SETBP1: variants seen among roughly 807,000 people sequenced by gnomAD.
SETBP1 encodes the protein SET-binding protein.
A neutral mutation model predicts 101.0 loss-of-function variants in SETBP1; 9 were observed. That is an observed-to-expected ratio of 0.09 (90% CI 0.05 to 0.16). The LOEUF (loss-of-function observed/expected upper bound fraction) is 0.16, where lower values mean the gene tolerates loss of function less well. SETBP1 is among the 10% of genes least tolerant of loss of function. The pLI, the probability that SETBP1 is intolerant of heterozygous loss-of-function variation, is 1.00. For synonymous variants in SETBP1, 818 were observed against 788.5 expected, an observed-to-expected ratio of 1.04 and a Z score of -0.63; for missense variants, 1,858 against 2,033.8, an observed-to-expected ratio of 0.91 and a Z score of 1.66.
At chr18:44,836,901 G>T (rs2072507804) in intron 2 of SETBP1, among the ~76,000 whole-genome samples, 2 of 152,246 alleles carry the variant, frequency 1.3e-5, no homozygotes, top group Admixed American at 6.5e-5. Flanking sequence ...GCAGTTTTGG[G>T]GCCCTGTCAC....
At chr18:44,858,951 G>A (rs2073026472) in intron 2 of SETBP1, among the ~76,000 whole-genome samples, 1 of 151,840 alleles carries the variant, frequency 6.6e-6, no homozygotes, top group African/African-American at 2.4e-5. Context: ...CCCATTATTG[G>A]TTACCATCTG....
rs2071862494 is a variant in SETBP1, at chr18:44,971,648, A to G, written c.4000+18308A>G. On this transcript the variant is annotated intron_variant, in intron 4 of 5. Coordinates refer to ENST00000649279, the MANE Select transcript of SETBP1 (RefSeq NM_015559.3). ...CCAGTGATGACGAGCATTTTTTCACATGTCTTTTGGCTGCATAAATATCTT... is the reference window on the plus strand; with the variant it reads ...CCAGTGATGACGAGCATTTTTTCACGTGTCTTTTGGCTGCATAAATATCTT... Among the ~76,000 whole-genome samples the G allele has an allele frequency of 2.0e-5, 3 of 152,004 alleles. No individual in the cohort carries two copies. The South Asian group carries it at 6.2e-4, about 31-fold the overall frequency.
intron 2 of SETBP1, among the ~76,000 whole-genome samples, chr18:44,794,464 G>T (rs2071432552): frequency 6.6e-6 from 1 of 152,162 alleles, no homozygotes; most frequent in Admixed American, 6.5e-5. Context: ...ATATGGTCGT[G>T]TACAAAACTT....
At chr18:44,734,405 A>T (rs987750598) in intron 2 of SETBP1, among the ~76,000 whole-genome samples, 1 of 152,204 alleles carries the variant, frequency 6.6e-6, no homozygotes, top group Non-Finnish European at 1.5e-5. Context: ...GTGTGTATGA[A>T]TCAACTTAGG....
chr18:44,982,855 T>A (rs1295365862), intron 4 of SETBP1, among the ~76,000 whole-genome samples: 1 of 152,230 alleles, frequency 6.6e-6, no homozygotes, highest in Non-Finnish European at 1.5e-5. Context: ...TAGTTTGCTC[T>A]GCTAAACCCA....
chr18:44,810,009 T>G (rs1417494439), intron 2 of SETBP1, among the ~76,000 whole-genome samples: 1 of 152,184 alleles, frequency 6.6e-6, no homozygotes, highest in Admixed American at 6.5e-5. Flanking sequence ...CTGCAAGAAC[T>G]ATTTTCTCCC....
At chr18:44,797,834 G>T (rs2071516164) in intron 2 of SETBP1, among the ~76,000 whole-genome samples, 1 of 151,748 alleles carries the variant, frequency 6.6e-6, no homozygotes, top group Non-Finnish European at 1.5e-5. Context: ...CTTTTGCATT[G>T]ACTTCCCAAA....
chr18:44,764,401 C>CTGT (rs760322015), intron 2 of SETBP1, among the ~76,000 whole-genome samples: 25 of 152,134 alleles, frequency 1.6e-4, no homozygotes, highest in Admixed American at 6.6e-4. Context: ...CTAACTACCT[C>CTGT]TGTTGTTGTT....
At chr18:44,986,642 C>G (rs1339415906) in intron 4 of SETBP1, 1 of 144,520 alleles carries the variant, frequency 6.9e-6, no homozygotes, top group African/African-American at 2.6e-5. Flanking sequence ...TACTTTTAAA[C>G]TTTTTGGTTA....
intron 4 of SETBP1, among the ~76,000 whole-genome samples, chr18:44,958,370 T>TAGA (rs2071538756): frequency 6.6e-6 from 1 of 152,204 alleles, no homozygotes; most frequent in Admixed American, 6.5e-5. Flanking sequence ...TTGCGAAAGG[T>TAGA]AGAACTCCTA....
In SETBP1 at chr18:44,953,173, T is replaced by C; in HGVS notation, c.3833T>C (p.Leu1278Pro). 1 of 1,614,082 alleles carries C rather than the reference T, an allele frequency of 6.2e-7. No homozygotes were observed. Among genetic ancestry groups the C allele is most frequent in the Non-Finnish European group, 8.5e-7 (1 of 1,180,010 alleles). Reference sequence around the variant, plus strand: ...GGTGGCAGCACGAGATCAGAGAACCTGGACGTGTTCAGTGAAATGAACCCT... The same window carrying C: ...GGTGGCAGCACGAGATCAGAGAACCCGGACGTGTTCAGTGAAATGAACCCT... Reference protein sequence around the residue: ...GDGGSTRSENLDVFSEMNPSN... With the variant: ...GDGGSTRSENPDVFSEMNPSN... Residue 1278 changes from leucine (L) to proline (P), a missense_variant, in exon 4 of 6, where the codon CTG (leucine) becomes CCG (proline). Physicochemically the swap from Leu to Pro is moderately conservative, Grantham distance 98 (BLOSUM62 -3). This residue lies in a region of SETBP1 where 417 missense variants were observed against 389.1 expected (regional missense o/e 1.07). Coordinates refer to ENST00000649279, the MANE Select transcript of SETBP1 (RefSeq NM_015559.3).
chr18:45,016,725 G>A (rs1361863902), intron 4 of SETBP1, among the ~76,000 whole-genome samples: 4 of 125,380 alleles, frequency 3.2e-5, no homozygotes, highest in Non-Finnish European at 6.6e-5. Flanking sequence ...ATACACATTG[G>A]TGCGCGCACA....
intron 2 of SETBP1, among the ~76,000 whole-genome samples, chr18:44,829,353 C>T (rs555157004): frequency 6.6e-6 from 1 of 152,206 alleles, no homozygotes; most frequent in Admixed American, 6.5e-5. Flanking sequence ...AAGTATAATT[C>T]TATTGAAAAG....
intron 4 of SETBP1, among the ~76,000 whole-genome samples, chr18:45,000,094 C>T (rs1219919182): frequency 3.9e-5 from 6 of 152,242 alleles, no homozygotes; most frequent in Admixed American, 3.9e-4. Flanking sequence ...TGCACTCTAA[C>T]CTCCTCATTG....
intron 3 of SETBP1, among the ~76,000 whole-genome samples, chr18:44,891,078 G>A (rs1026830682): frequency 6.6e-6 from 1 of 152,130 alleles, no homozygotes; most frequent in Non-Finnish European, 1.5e-5. Flanking sequence ...ATGGCAGAAG[G>A]AGCAAGTCAC....
chr18:45,021,534 T>G (rs2073068275), intron 4 of SETBP1, among the ~76,000 whole-genome samples: 1 of 152,206 alleles, frequency 6.6e-6, no homozygotes, highest in East Asian at 1.9e-4. Context: ...CTTTCGTGTG[T>G]TCAAAGCTTT....
At chr18:44,904,033 TACTGAGTCTACAGCAGGCA>T (rs1450505816) in intron 3 of SETBP1, among the ~76,000 whole-genome samples, 1 of 152,178 alleles carries the variant, frequency 6.6e-6, no homozygotes, top group Non-Finnish European at 1.5e-5. Flanking sequence ...TCTTCTAGGG[TACTGAGTCTACAGCAGGCA>T]ACTCATACAT....
intron 2 of SETBP1, among the ~76,000 whole-genome samples, chr18:44,867,738 G>A (rs994366674): frequency 2.0e-5 from 3 of 152,104 alleles, no homozygotes; most frequent in Non-Finnish European, 2.9e-5. Flanking sequence ...TGGGGAATGG[G>A]GGGGTGGGGA....
chr18:44,712,998 G>A (rs749250099), intron 2 of SETBP1, among the ~76,000 whole-genome samples: 3 of 115,614 alleles, frequency 2.6e-5, no homozygotes, highest in African/African-American at 1.0e-4. Flanking sequence ...TTGCTCTGTC[G>A]CCCAGACTGA....
Sources: gnomAD v4.1 joint callset for allele counts (sites outside exome capture counted in the v4.1 genomes callset) on GRCh38, gnomAD v4.1.1 for gene constraint, gnomAD v4.1.1 regional missense constraint, MANE v1.5 for transcripts, NCBI Gene and HGNC (gene_info 2026-07-23, HGNC 2026-07-21) for gene names.